The following ZEB2 variants were observed in gnomAD, a reference collection of about 807,000 sequenced individuals.
ZEB2 encodes zinc finger E-box-binding homeobox 2.
Under a neutral mutation model 99.9 loss-of-function variants are expected in ZEB2, and 6 were observed. That is an observed-to-expected ratio of 0.06 (90% CI 0.03 to 0.12). The LOEUF is 0.12. Among genes scored for constraint, ZEB2 ranks in the 10% least tolerant of loss-of-function variants. ZEB2 has a pLI of 1.00. For missense variants in ZEB2, 969 were observed against 1,502.8 expected (o/e 0.64, Z 5.87); for synonymous variants, 517 against 542.5 (o/e 0.95, Z 0.65).
At chr2:144,436,361 T>C (rs755399332) in intron 2 of ZEB2, among the ~76,000 whole-genome samples, 3 of 152,346 alleles carry the variant, frequency 2.0e-5, no homozygotes, top group Middle Eastern at 3.4e-3. Flanking sequence ...ACCTGCATTA[T>C]AAATTAATGA....
chr2:144,410,374 T>C (rs527754642), intron 4 of ZEB2, among the ~76,000 whole-genome samples: 3 of 152,348 alleles, frequency 2.0e-5, no homozygotes, highest in African/African-American at 4.8e-5. Flanking sequence ...GACACTTTTA[T>C]AGATATCTTT....
intron 2 of ZEB2, among the ~76,000 whole-genome samples, chr2:144,474,454 G>C (rs1704404052): frequency 6.6e-6 from 1 of 152,160 alleles, no homozygotes; most frequent in Non-Finnish European, 1.5e-5. Context: ...AAATCATTTT[G>C]CCTACTGCCT....
In ZEB2 at chr2:144,441,069, G is replaced by A. The variant is rs569353796; in HGVS notation, c.74-11043C>T. 2.7e-5 allele frequency among the ~76,000 whole-genome samples: 4 copies of A among 147,362 alleles called. No homozygotes were observed. The East Asian group carries it at 8.0e-4, about 29-fold the overall frequency. On this transcript the variant is annotated intron_variant, in intron 2 of 9. Transcript: ENST00000627532. ...ATCTAGTTTGCCGCCACCAGACACGGCTCTGCTTGGACACCACAGCGCCTA... is the reference window on the plus strand; with the variant it reads ...ATCTAGTTTGCCGCCACCAGACACGACTCTGCTTGGACACCACAGCGCCTA...
At chr2:144,439,840 T>C (rs1185670393) in intron 2 of ZEB2, among the ~76,000 whole-genome samples, 2 of 152,248 alleles carry the variant, frequency 1.3e-5, no homozygotes, top group South Asian at 2.1e-4. Context: ...CAAACGTACA[T>C]ATAAAATGAT....
chr2:144,417,971 A>G (rs1275577351), intron 4 of ZEB2, among the ~76,000 whole-genome samples: 12 of 152,208 alleles, frequency 7.9e-5, no homozygotes, highest in Admixed American at 7.9e-4. Flanking sequence ...GTTATGTGTC[A>G]ATAATAAATT....
chr2:144,499,020 G>A (rs1704831132), intron 2 of ZEB2, among the ~76,000 whole-genome samples: 1 of 152,196 alleles, frequency 6.6e-6, no homozygotes, highest in Non-Finnish European at 1.5e-5. Flanking sequence ...TCAGAGTGAA[G>A]TGAAATTATT....
intron 2 of ZEB2, chr2:144,495,949 A>T (rs947581072): frequency 3.3e-5 from 5 of 152,268 alleles, no homozygotes; most frequent in Admixed American, 6.5e-5. Flanking sequence ...GCTGCATGTT[A>T]ACCAGATTTG....
At chr2:144,482,764 A>G (rs1573789019) in intron 2 of ZEB2, among the ~76,000 whole-genome samples, 2 of 150,438 alleles carry the variant, frequency 1.3e-5, no homozygotes, top group South Asian at 4.2e-4. Flanking sequence ...TTTTTTTTCA[A>G]CGGTTCTATC....
At chr2:144,500,306 G>A (rs551254176) in intron 2 of ZEB2, among the ~76,000 whole-genome samples, 15 of 152,202 alleles carry the variant, frequency 9.9e-5, no homozygotes, top group South Asian at 8.3e-4. Context: ...TTATAATGTA[G>A]ATGAATGATG....
Position 144,399,825 on chromosome 2 carries a change from A to G in ZEB2, c.1362T>C (p.Asn454=), listed in dbSNP as rs1166855146. The G allele has an allele frequency of 1.9e-6, 3 of 1,614,176 alleles. No homozygotes were observed. The highest frequency in any genetic ancestry group is 1.1e-5 in the South Asian group (1 of 91,084). The part of the protein sequence containing the change: ...EAPLLGFPTM[N]SNLSEVQKVL... ...CCTTTTGTACCTCACTTAAATTACT[A>G]TTCATGGTGGGAAACCCAAGTAAAG... Residue 454 remains asparagine, a synonymous_variant, in exon 8 of 10, where the codon AAT becomes AAC. Coordinates refer to ENST00000627532, the MANE Select transcript of ZEB2 (RefSeq NM_014795.4). This position sits in a 1 kb window ranked among gnomAD's most constrained non-coding sequence, Gnocchi z 5.6.
intron 2 of ZEB2, among the ~76,000 whole-genome samples, chr2:144,449,972 A>C (rs1247806660): frequency 6.6e-6 from 1 of 152,178 alleles, no homozygotes; most frequent in African/African-American, 2.4e-5. Context: ...AGCCTTTCTG[A>C]TTAGCTATTT....
At chr2:144,496,882 T>A (rs1219987959) in intron 2 of ZEB2, 1 of 152,198 alleles carries the variant, frequency 6.6e-6, no homozygotes, top group Non-Finnish European at 1.5e-5. Context: ...AATATAATTA[T>A]GTCACTCTTC....
At chr2:144,504,669 G>C (rs1704928331) in intron 2 of ZEB2, 1 of 152,164 alleles carries the variant, frequency 6.6e-6, no homozygotes, top group Non-Finnish European at 1.5e-5. Context: ...AAAGAGACAA[G>C]GGCTTTTCAC....
At chr2:144,476,573 C>T (rs1704433010) in intron 2 of ZEB2, among the ~76,000 whole-genome samples, 1 of 152,168 alleles carries the variant, frequency 6.6e-6, no homozygotes, top group Non-Finnish European at 1.5e-5. Context: ...CTGAGGGCAG[C>T]ACCTGAAACA....
intron 2 of ZEB2, among the ~76,000 whole-genome samples, chr2:144,470,863 T>C (rs996967507): frequency 3.9e-5 from 6 of 152,192 alleles, no homozygotes; most frequent in African/African-American, 1.4e-4. Context: ...CATTCAGTTA[T>C]GTACCCCAGT....
At chr2:144,448,995 C>T (rs183395400) in intron 2 of ZEB2, 1 of 152,230 alleles carries the variant, frequency 6.6e-6, no homozygotes, top group Admixed American at 6.5e-5. Context: ...TTTTGTCAGG[C>T]AGTTTAAGAG....
intron 2 of ZEB2, among the ~76,000 whole-genome samples, chr2:144,448,498 C>T (rs150601661): frequency 7.9e-5 from 12 of 152,286 alleles, no homozygotes; most frequent in East Asian, 3.9e-4. Flanking sequence ...TCTCTCTGAA[C>T]GCTGCATCAC....
At chr2:144,471,203 G>T (rs888535483) in intron 2 of ZEB2, among the ~76,000 whole-genome samples, 1 of 152,122 alleles carries the variant, frequency 6.6e-6, no homozygotes, top group Non-Finnish European at 1.5e-5. Flanking sequence ...AGCATGCAAA[G>T]AGTTAACTAG....
chr2:144,455,356 C>T (rs115185590), intron 2 of ZEB2, among the ~76,000 whole-genome samples: 5 of 152,282 alleles, frequency 3.3e-5, no homozygotes, highest in Non-Finnish European at 7.4e-5. Context: ...TTTCCACCAA[C>T]CTGCACACTG....
Sources: gnomAD v4.1 joint callset for allele counts (sites outside exome capture counted in the v4.1 genomes callset) on GRCh38, gnomAD v4.1.1 for gene constraint, Gnocchi (gnomAD v3.1) non-coding constraint, MANE v1.5 for transcripts, NCBI Gene and HGNC (gene_info 2026-07-23, HGNC 2026-07-21) for gene names.